The following CCDC83 variants were observed in gnomAD, a reference collection of about 807,000 sequenced individuals.
CCDC83 encodes coiled-coil domain containing 83.
In CCDC83, 54 loss-of-function variants were observed where a neutral mutation model predicts 50.1. The observed-to-expected ratio is 1.08, with a 90% CI of 0.87 to 1.35. The LOEUF is 1.35. Among genes scored for constraint, CCDC83 ranks in the 40% most tolerant of loss-of-function variants. The pLI is 0.00. For missense variants in CCDC83, 518 were observed against 473.9 expected (o/e 1.09, Z -0.86); for synonymous variants, 161 against 153.3 (o/e 1.05, Z -0.37).
chr11:85,910,311 T>C (rs2093447629), intron 7 of CCDC83, among the ~76,000 whole-genome samples: 2 of 152,264 alleles, frequency 1.3e-5, no homozygotes, highest in African/African-American at 4.8e-5. Flanking sequence ...CTACACCTTG[T>C]TGATCCTTTG....
chr11:85,898,222 C>A (rs2093384446), intron 6 of CCDC83, among the ~76,000 whole-genome samples: 2 of 151,322 alleles, frequency 1.3e-5, no homozygotes, highest in Non-Finnish European at 2.9e-5. Flanking sequence ...ATTTCTGTCC[C>A]TGTTTGTGAT....
Position 85,908,603 on chromosome 11 carries a change from AT to A in CCDC83, c.673-2677del, listed in dbSNP as rs1484230418. Among the ~76,000 whole-genome samples the A allele has an allele frequency of 4.1e-3, 558 of 135,446 alleles. 1 individual carries two copies. The highest frequency in any genetic ancestry group is 5.9e-3 in the Non-Finnish European group (372 of 63,008). The allele number at this position is 135,446 out of a possible 152,430, so 88.9% of individuals were successfully genotyped here. ...GATAGATAGATAGATAGATAGATAG[AT>A]AGATAGACAGATAGAATTCATGGCC... On this transcript the variant is annotated intron_variant, in intron 7 of 10. Transcript: ENST00000342404.
At position 85,915,801 on chromosome 11, in the gene CCDC83, C is replaced by A. The variant is rs149592650; in HGVS notation, c.875-227C>A. Among the ~76,000 whole-genome samples, 1,141 of 152,266 alleles carry A rather than the reference C, an allele frequency of 7.5e-3. 15 individuals carry two copies. The highest frequency in any genetic ancestry group is 0.026 in the African/African-American group (1,096 of 41,542). The stretch of plus-strand genomic sequence containing the variant: ...GGCCCTATTTAGCCAACCAAAATGA[C>A]AACATATACTTAGGCACCAATATAA... On this transcript the variant is annotated intron_variant, in intron 9 of 10. Transcript: ENST00000342404.
At chr11:85,901,348 G>A (rs961898648) in intron 7 of CCDC83, among the ~76,000 whole-genome samples, 2 of 151,730 alleles carry the variant, frequency 1.3e-5, no homozygotes, top group Non-Finnish European at 2.9e-5. Context: ...CAATGCAGGA[G>A]GATTGCTTTA....
intron 6 of CCDC83, 150 bp downstream of exon 6, chr11:85,895,534 T>C: frequency 1.9e-6 from 1 of 537,122 alleles, no homozygotes; most frequent in South Asian, 2.8e-5. Context: ...ATATTAAAAG[T>C]TTTGAACGAT....
chr11:85,866,952 ATTTAGGC>A (rs1281913029), intron 2 of CCDC83, among the ~76,000 whole-genome samples: 2 of 152,182 alleles, frequency 1.3e-5, no homozygotes, highest in Non-Finnish European at 2.9e-5. Context: ...GATGCTGGTG[ATTTAGGC>A]AAGGGTCAGA....
In CCDC83 at chr11:85,915,896, T is replaced by C. The variant is rs986064629; in HGVS notation, c.875-132T>C. ...TTCTACAAATGGGACTCCCTCTTAC[T>C]TTAATACATAAATTCTACATTTGCA... On this transcript the variant is annotated intron_variant, in intron 9 of 10. Coordinates refer to ENST00000342404, the MANE Select transcript of CCDC83 (RefSeq NM_001286159.2). 6.0e-6 allele frequency: 4 copies of C among 669,064 alleles called. No homozygotes were observed. In the Admixed American group the frequency reaches 1.2e-4, roughly 20 times the overall value. The allele number at this position is 669,064 out of a possible 1,614,324, so 41.4% of individuals were successfully genotyped here.
intron 6 of CCDC83, among the ~76,000 whole-genome samples, chr11:85,897,224 T>A (rs2093379861): frequency 6.6e-6 from 1 of 152,200 alleles, no homozygotes; most frequent in African/African-American, 2.4e-5. Context: ...TTTAAGTCCC[T>A]CAGCAACCCA....
At chr11:85,895,259 A>ATTTTC (rs750379112) in intron 5 of CCDC83, 34 bp from the exon 6 acceptor site, 21 of 839,840 alleles carry the variant, frequency 2.5e-5, no homozygotes, top group South Asian at 8.9e-5. Context: ...AAGGCTTTTA[A>ATTTTC]TTTTCTTTTT....
chr11:85,892,559 G>A (rs1266585930), intron 5 of CCDC83, among the ~76,000 whole-genome samples: 1 of 152,190 alleles, frequency 6.6e-6, no homozygotes, highest in Non-Finnish European at 1.5e-5. Flanking sequence ...TCTTTAGTCA[G>A]AGTGTATTTG....
Position 85,919,631 on chromosome 11 carries a change from A to C in CCDC83, c.*121A>C. ...TTTTTAAACCAGCTGTTATTTCTAA[A>C]GGTCATATTTACATTTAAAATCAAA... On this transcript the variant is annotated 3_prime_UTR_variant, in exon 11 of 11. Transcript: ENST00000342404. 1.4e-6 allele frequency: 1 copy of C among 736,706 alleles called. No individual in the cohort carries two copies. 45.6% of individuals were successfully genotyped at this position (736,706 alleles called of 1,614,324 possible). A position where few individuals can be genotyped will look rare whatever the true frequency, so the allele number is the denominator to read the frequency against.
chr11:85,873,845 A>G (rs1001794044), intron 3 of CCDC83, among the ~76,000 whole-genome samples: 10 of 152,252 alleles, frequency 6.6e-5, no homozygotes, highest in Admixed American at 3.9e-4. Flanking sequence ...GGAGCAATCA[A>G]TGATAATTAA....
intron 5 of CCDC83, among the ~76,000 whole-genome samples, chr11:85,891,113 C>T (rs768917909): frequency 6.6e-5 from 10 of 152,208 alleles, no homozygotes; most frequent in Non-Finnish European, 1.3e-4. Context: ...CTCATTGGCA[C>T]CTCTGCTTTG....
intron 4 of CCDC83, among the ~76,000 whole-genome samples, chr11:85,885,266 A>C (rs1002355843): frequency 6.6e-6 from 1 of 152,150 alleles, no homozygotes; most frequent in African/African-American, 2.4e-5. Context: ...ATGAGTCCTG[A>C]GTCCTTCTGG....
chr11:85,909,012 T>C (rs570912539), intron 7 of CCDC83, among the ~76,000 whole-genome samples: 6 of 152,304 alleles, frequency 3.9e-5, no homozygotes, highest in African/African-American at 1.2e-4. Flanking sequence ...TAGCTCACTG[T>C]AACATTGAAC....
chr11:85,883,929 T>C (rs17817314), intron 4 of CCDC83, among the ~76,000 whole-genome samples: 21,559 of 152,232 alleles, frequency 0.14, 1,833 homozygotes, highest in Middle Eastern at 0.2. Context: ...AGTCTCTTCA[T>C]TGGCAATAGG....
chr11:85,912,099 G>C (rs1054610967), intron 8 of CCDC83, among the ~76,000 whole-genome samples: 1 of 152,118 alleles, frequency 6.6e-6, no homozygotes, highest in African/African-American at 2.4e-5. Flanking sequence ...ATAGTAGCAT[G>C]TTTAGGAAGA....
intron 2 of CCDC83, among the ~76,000 whole-genome samples, chr11:85,870,757 C>A (rs1443316525): frequency 6.6e-6 from 1 of 152,076 alleles, no homozygotes; most frequent in African/African-American, 2.4e-5. Context: ...GTTATTTTCC[C>A]CATGGTATTT....
intron 10 of CCDC83, chr11:85,916,750 G>A (rs2093478748): frequency 6.5e-6 from 1 of 154,222 alleles, no homozygotes; most frequent in Admixed American, 6.6e-5. Context: ...CCTCCTGACA[G>A]GGTGTTTTGA....
Sources: allele counts gnomAD v4.1 joint callset (sites outside exome capture counted in the v4.1 genomes callset), GRCh38; gene constraint gnomAD v4.1.1; transcripts MANE v1.5; gene names NCBI Gene and HGNC (gene_info 2026-07-23, HGNC 2026-07-21).